The following RPS6KA2 variants were observed in gnomAD, a reference collection of about 807,000 sequenced individuals.
The protein encoded by RPS6KA2 is ribosomal protein S6 kinase alpha-2.
A neutral mutation model predicts 91.8 loss-of-function variants in RPS6KA2; 42 were observed. The observed-to-expected ratio is 0.46, with a 90% confidence interval of 0.36 to 0.59. The LOEUF is 0.59. Ranked by LOEUF, RPS6KA2 falls within the 20% of genes least tolerant of loss-of-function variation. RPS6KA2 has a pLI of 0.00. For missense variants in RPS6KA2, 798 were observed against 978.5 expected, an observed-to-expected ratio of 0.82 and a Z score of 2.46; for synonymous variants, 414 against 393.6, an observed-to-expected ratio of 1.05 and a Z score of -0.61.
At chr6:166,526,326 T>C (rs1783029630) in intron 3 of RPS6KA2, among the ~76,000 whole-genome samples, 1 of 150,600 alleles carries the variant, frequency 6.6e-6, no homozygotes, top group Non-Finnish European at 1.5e-5. Flanking sequence ...TTTCTATTCT[T>C]CTATGTTTAT....
chr6:166,660,730 C>A (rs1186406870), intron 2 of RPS6KA2, among the ~76,000 whole-genome samples: 1 of 152,226 alleles, frequency 6.6e-6, no homozygotes, highest in Non-Finnish European at 1.5e-5. Context: ...TGAGCCCAAT[C>A]TCTTCCCTTA....
At chr6:166,502,001 T>C (rs538666390) in intron 6 of RPS6KA2, among the ~76,000 whole-genome samples, 2 of 152,306 alleles carry the variant, frequency 1.3e-5, no homozygotes, top group South Asian at 4.1e-4. Context: ...AAATATAAAA[T>C]GTATGGTCCC....
chr6:166,820,261 C>G (rs1779874767), intron 2 of RPS6KA2, among the ~76,000 whole-genome samples: 1 of 152,178 alleles, frequency 6.6e-6, no homozygotes, highest in African/African-American at 2.4e-5. Context: ...ACCCACCGAC[C>G]AGCCTCCCAT....
intron 10 of RPS6KA2, among the ~76,000 whole-genome samples, chr6:166,473,172 T>C (rs1780835743): frequency 1.3e-5 from 2 of 151,430 alleles, no homozygotes; most frequent in Admixed American, 6.6e-5. Flanking sequence ...ATGACTAAAG[T>C]GCAGTGCAGT....
intron 10 of RPS6KA2, among the ~76,000 whole-genome samples, chr6:166,479,041 C>T (rs751793800): frequency 5.3e-5 from 8 of 152,232 alleles, no homozygotes; most frequent in Non-Finnish European, 1.0e-4. Flanking sequence ...GCCTCTCCCA[C>T]ACGCTCCCCT....
chr6:166,562,512 A>C (rs1447264858), intron 1 of RPS6KA2, among the ~76,000 whole-genome samples: 1 of 152,202 alleles, frequency 6.6e-6, no homozygotes, highest in Non-Finnish European at 1.5e-5. Flanking sequence ...CAAGGAGTTC[A>C]GACTCTGGTG....
chr6:166,605,387 C>G (rs778572014), intron 1 of RPS6KA2, among the ~76,000 whole-genome samples: 2 of 152,120 alleles, frequency 1.3e-5, no homozygotes, highest in Non-Finnish European at 2.9e-5. Flanking sequence ...GCCTAAAATA[C>G]GAATGAGACT....
At chr6:166,564,795 G>GC (rs909335759) in intron 1 of RPS6KA2, among the ~76,000 whole-genome samples, 1 of 152,160 alleles carries the variant, frequency 6.6e-6, no homozygotes, top group African/African-American at 2.4e-5. Context: ...AAGGTCGAGG[G>GC]CTGCAGCGTG....
At chr6:166,619,061 C>T (rs186350006) in intron 1 of RPS6KA2, among the ~76,000 whole-genome samples, 53 of 150,902 alleles carry the variant, frequency 3.5e-4, no homozygotes, top group Non-Finnish European at 3.5e-4. Context: ...CCATCAGATT[C>T]GCGCACGAGC....
At chr6:166,853,936 A>G (rs1343664890) in intron 2 of RPS6KA2, among the ~76,000 whole-genome samples, 1 of 152,248 alleles carries the variant, frequency 6.6e-6, no homozygotes, top group Non-Finnish European at 1.5e-5. Context: ...GCCTGCTCAC[A>G]GGAGTCATTT....
At chr6:166,820,199 C>A (rs1779872996) in intron 2 of RPS6KA2, among the ~76,000 whole-genome samples, 1 of 152,140 alleles carries the variant, frequency 6.6e-6, no homozygotes, top group Non-Finnish European at 1.5e-5. Flanking sequence ...AAGCTCTGAG[C>A]CCACTACTAG....
intron 1 of RPS6KA2, among the ~76,000 whole-genome samples, chr6:166,556,539 TGAG>T (rs1784182928): frequency 6.6e-6 from 1 of 152,216 alleles, no homozygotes; most frequent in Non-Finnish European, 1.5e-5. Context: ...CACTTACTCC[TGAG>T]AAGACAGCAG....
chr6:166,536,909 C>T (rs754789339), intron 2 of RPS6KA2, among the ~76,000 whole-genome samples: 2 of 152,220 alleles, frequency 1.3e-5, no homozygotes, highest in Non-Finnish European at 2.9e-5. Flanking sequence ...ATCATTCCAA[C>T]GGGATTCTGC....
Position 166,849,711 on chromosome 6 carries a change from A to G in RPS6KA2, c.123+8489T>C, listed in dbSNP as rs1440307447. Among the ~76,000 whole-genome samples, 1 of 152,250 alleles carries G rather than the reference A, an allele frequency of 6.6e-6. No homozygotes were observed. The highest frequency in any genetic ancestry group is 1.9e-4 in the East Asian group (1 of 5,198). ...TTTCCCAACACAGGAGCTGCGTCCT[A>G]TGCATACTCAGTCCCATGTGCCTGG... On this transcript the variant is annotated intron_variant, in intron 2 of 21. Transcript: ENST00000503859. This position sits in a 1 kb window ranked among gnomAD's most constrained non-coding sequence, Gnocchi z 4.9.
chr6:166,860,115 G>T (rs2149087), intron 1 of RPS6KA2, among the ~76,000 whole-genome samples: 91,301 of 150,544 alleles, frequency 0.61, 30,633 homozygotes, highest in Non-Finnish European at 0.75. Context: ...CCAAAACACA[G>T]AGGATTTTGT....
intron 16 of RPS6KA2, 118 bp downstream of exon 16, chr6:166,430,335 C>T (rs906571451): frequency 3.4e-5 from 31 of 916,296 alleles, no homozygotes; most frequent in South Asian, 2.6e-4. Context: ...GATGGTGGCA[C>T]GGAAGGAATT....
At chr6:166,786,330 A>G (rs546336525) in intron 2 of RPS6KA2, among the ~76,000 whole-genome samples, 4 of 152,360 alleles carry the variant, frequency 2.6e-5, no homozygotes, top group East Asian at 3.8e-4. Context: ...AGGAGAATTT[A>G]CAAATCATGG....
In RPS6KA2 at chr6:166,500,880, T is replaced by C. The variant is rs779705395; in HGVS notation, c.604+7A>G. The C allele has an allele frequency of 6.8e-6, 11 of 1,613,752 alleles. No individual in the cohort carries two copies. The highest frequency in any genetic ancestry group is 5.1e-6 in the Non-Finnish European group (6 of 1,179,780). On this transcript the variant is annotated splice_region_variant and intron_variant, in intron 7 of 20. Coordinates refer to ENST00000265678, the MANE Select transcript of RPS6KA2 (RefSeq NM_021135.6). This position sits in a 1 kb window ranked among gnomAD's most constrained non-coding sequence, Gnocchi z 4.3. ...GCCATGGAGGGGGCCTGCCGTCTTT[T>C]ACAAACCTGTGATCTTAATGTGCCC...
intron 2 of RPS6KA2, among the ~76,000 whole-genome samples, chr6:166,705,229 C>G (rs542453030): frequency 1.1e-4 from 16 of 152,364 alleles, no homozygotes; most frequent in African/African-American, 3.8e-4. Flanking sequence ...AAGCCAAGAG[C>G]AAGGCGCCAG....
Sources: allele counts gnomAD v4.1 joint callset (sites outside exome capture counted in the v4.1 genomes callset), GRCh38; gene constraint gnomAD v4.1.1; non-coding constraint Gnocchi (gnomAD v3.1); transcripts MANE v1.5; gene names NCBI Gene and HGNC (gene_info 2026-07-23, HGNC 2026-07-21).